The following ANKRD44 variants were observed in gnomAD, a reference collection of about 807,000 sequenced individuals.
ANKRD44 encodes serine/threonine-protein phosphatase 6 regulatory ankyrin repeat subunit B.
Under a neutral mutation model 116.0 loss-of-function variants are expected in ANKRD44, and 35 were observed. The ratio of observed to expected loss-of-function variants is 0.30; its 90% CI spans 0.23 to 0.40. The LOEUF is 0.40. Ranked by LOEUF, ANKRD44 falls within the 10% of genes least tolerant of loss-of-function variation. ANKRD44 has a pLI of 1.00. For missense variants in ANKRD44, 1,014 were observed against 1,242.6 expected, an observed-to-expected ratio of 0.82 and a Z score of 2.77; for synonymous variants, 435 against 461.8, an observed-to-expected ratio of 0.94 and a Z score of 0.74.
chr2:197,015,906 T>G, intron 17 of ANKRD44: 1 of 527,260 alleles, frequency 1.9e-6, no homozygotes, highest in Non-Finnish European at 3.7e-6. Flanking sequence ...AGCAATCAAA[T>G]TTTGGATCCA....
At position 197,083,314 on chromosome 2, in the gene ANKRD44, C is replaced by T. The variant is rs189627263; in HGVS notation, c.1457+55G>A. ...GTATGAAGAAAACTTAGCAATCCTT[C>T]CCCACCACTCCCCAACCCTGTTCCC... On this transcript the variant is annotated intron_variant, in intron 14 of 27. Coordinates refer to ENST00000282272, the MANE Select transcript of ANKRD44 (RefSeq NM_001195144.2). 1.2e-5 allele frequency: 18 copies of T among 1,540,874 alleles called. 1 individual carries two copies. In the African/African-American group the frequency reaches 2.3e-4, roughly 20 times the overall value.
At chr2:197,239,549 C>T (rs1031620873) in intron 1 of ANKRD44, among the ~76,000 whole-genome samples, 1 of 152,140 alleles carries the variant, frequency 6.6e-6, no homozygotes, top group Non-Finnish European at 1.5e-5. Context: ...GTCTTTAATC[C>T]AGGAGAAACA....
chr2:196,975,356 A>G (rs1032074578), intron 21 of ANKRD44, among the ~76,000 whole-genome samples: 3 of 152,244 alleles, frequency 2.0e-5, no homozygotes, highest in Admixed American at 1.3e-4. Flanking sequence ...ACACCAGATG[A>G]CTTCACTGGT....
rs572437725 is a variant in ANKRD44 at position 197,161,972 on chromosome 2, C to T, written c.112-14867G>A. ...CCTCTAGATAGGGAAAGTTAGCTCA[C>T]ACCATGCTACGGTCTCGTGACTTGG... On this transcript the variant is annotated intron_variant, in intron 2 of 27. Transcript: ENST00000282272. 1.1e-4 allele frequency among the ~76,000 whole-genome samples: 16 copies of T among 152,292 alleles called. No individual in the cohort carries two copies. In the South Asian group the frequency reaches 3.3e-3, roughly 32 times the overall value.
intron 1 of ANKRD44, among the ~76,000 whole-genome samples, chr2:197,248,714 G>A (rs570088874): frequency 6.6e-6 from 1 of 151,848 alleles, no homozygotes; most frequent in Admixed American, 6.6e-5. Flanking sequence ...GGACTGCTGT[G>A]GGAACTAATC....
intron 1 of ANKRD44, among the ~76,000 whole-genome samples, chr2:197,232,389 G>A (rs531690054): frequency 1.3e-5 from 2 of 152,286 alleles, no homozygotes; most frequent in African/African-American, 4.8e-5. Flanking sequence ...AAGAGAAGAA[G>A]AGCCCCTTAA....
Position 197,064,498 on chromosome 2 carries a change from G to C in ANKRD44, c.1650+14205C>G, listed in dbSNP as rs545693570. Among the ~76,000 whole-genome samples the C allele has an allele frequency of 3.9e-3, 590 of 152,250 alleles. 2 individuals carry two copies. The highest frequency in any genetic ancestry group is 0.013 in the African/African-American group (559 of 41,534). Reference sequence around the variant, plus strand: ...GGCTAAATGCTCCAATTAAAAGACAGAGACTGGCAAATTGGATAAAGAGTC... The same window carrying C: ...GGCTAAATGCTCCAATTAAAAGACACAGACTGGCAAATTGGATAAAGAGTC... On this transcript the variant is annotated intron_variant, in intron 16 of 27. Transcript: ENST00000282272.
chr2:197,110,284 GT>G, intron 9 of ANKRD44, among the ~76,000 whole-genome samples: 1 of 152,050 alleles, frequency 6.6e-6, no homozygotes, highest in East Asian at 1.9e-4. Flanking sequence ...ACCTAAGCCT[GT>G]GATTTTATGA....
Position 197,260,736 on chromosome 2 carries a change from C to T in ANKRD44, c.27+49842G>A, listed in dbSNP as rs189423040. Among the ~76,000 whole-genome samples, 28 of 152,022 alleles carry T rather than the reference C, an allele frequency of 1.8e-4. 1 individual carries two copies. The East Asian group carries it at 5.4e-3, about 29-fold the overall frequency. On this transcript the variant is annotated intron_variant, in intron 1 of 27. Coordinates refer to ENST00000282272, the MANE Select transcript of ANKRD44 (RefSeq NM_001195144.2). Reference sequence around the variant, plus strand: ...TGTTCCTATTTCTCCACATCCTCTCCAGCACCTACTGTTTCCTGACTTTTT... The same window carrying T: ...TGTTCCTATTTCTCCACATCCTCTCTAGCACCTACTGTTTCCTGACTTTTT...
intron 3 of ANKRD44, among the ~76,000 whole-genome samples, chr2:197,142,845 G>A (rs1032789690): frequency 6.6e-6 from 1 of 151,996 alleles, no homozygotes; most frequent in African/African-American, 2.4e-5. Flanking sequence ...TTGTTGGGTT[G>A]CATAAATTCT....
At chr2:197,250,375 C>T (rs11692576) in intron 1 of ANKRD44, among the ~76,000 whole-genome samples, 2,245 of 152,292 alleles carry the variant, frequency 0.015, 17 homozygotes, top group Non-Finnish European at 0.019. Flanking sequence ...AGTTGACTTC[C>T]ATGAAGTCTC....
intron 21 of ANKRD44, among the ~76,000 whole-genome samples, chr2:196,981,587 C>T (rs879767776): frequency 1.3e-5 from 2 of 152,100 alleles, no homozygotes; most frequent in Non-Finnish European, 2.9e-5. Flanking sequence ...ACCAGCCTGG[C>T]TAACATGGCA....
chr2:197,090,204 C>A (rs1027621518), intron 10 of ANKRD44, among the ~76,000 whole-genome samples, 172 bp from the exon 11 acceptor site: 2 of 152,200 alleles, frequency 1.3e-5, no homozygotes, highest in Admixed American at 6.5e-5. Flanking sequence ...CAATCAGTTT[C>A]TACCTTAAAA....
chr2:197,244,674 T>G (rs751342052), intron 1 of ANKRD44, among the ~76,000 whole-genome samples: 1 of 152,236 alleles, frequency 6.6e-6, no homozygotes, highest in Non-Finnish European at 1.5e-5. Flanking sequence ...CTTACGATTA[T>G]TCACCTTCTA....
chr2:197,301,114 G>T (rs1007165690), intron 1 of ANKRD44: 13 of 152,122 alleles, frequency 8.5e-5, no homozygotes, highest in African/African-American at 3.1e-4. Flanking sequence ...AAAATGAAAT[G>T]ATGATAGCCA....
intron 17 of ANKRD44, chr2:197,015,956 C>T: frequency 1.9e-6 from 1 of 538,872 alleles, no homozygotes; most frequent in Non-Finnish European, 3.7e-6. Flanking sequence ...TCAGACAGTC[C>T]CTATGGTGGT....
intron 1 of ANKRD44, among the ~76,000 whole-genome samples, chr2:197,229,332 A>G (rs1157429738): frequency 8.5e-5 from 13 of 152,216 alleles, no homozygotes. Flanking sequence ...AAAAATGAAA[A>G]TGAATTAAGA....
chr2:197,022,132 C>T (rs1035847902), intron 17 of ANKRD44, among the ~76,000 whole-genome samples: 1 of 152,148 alleles, frequency 6.6e-6, no homozygotes, highest in African/African-American at 2.4e-5. Flanking sequence ...AGATGGCTTC[C>T]ACCTAAGAAA....
At chr2:197,259,350 C>T (rs2082536714) in intron 1 of ANKRD44, among the ~76,000 whole-genome samples, 1 of 152,156 alleles carries the variant, frequency 6.6e-6, no homozygotes, top group Admixed American at 6.5e-5. Flanking sequence ...AACATAGCAA[C>T]AGACTCAACC....
Sources: gnomAD v4.1 joint callset for allele counts (sites outside exome capture counted in the v4.1 genomes callset) on GRCh38, gnomAD v4.1.1 for gene constraint, MANE v1.5 for transcripts, NCBI Gene and HGNC (gene_info 2026-07-23, HGNC 2026-07-21) for gene names.